Variants in NFATC2 observed in about 807,000 individuals in gnomAD.
NFATC2 encodes nuclear factor of activated T-cells, cytoplasmic 2.
In NFATC2, 22 loss-of-function variants were observed where a neutral mutation model predicts 87.3. The observed-to-expected ratio is 0.25, with a 90% CI of 0.18 to 0.36. The LOEUF (loss-of-function observed/expected upper bound fraction) is 0.36, where lower values mean the gene tolerates loss of function less well. Ranked by LOEUF, NFATC2 falls within the 10% of genes least tolerant of loss-of-function variation. The probability of loss-of-function intolerance (pLI) is 1.00; values close to 1 mark genes in which losing one functional copy is unlikely to be tolerated. For synonymous variants in NFATC2, 565 were observed against 542.2 expected, an observed-to-expected ratio of 1.04 and a Z score of -0.58; for missense variants, 1,149 against 1,259.1, an observed-to-expected ratio of 0.91 and a Z score of 1.32.
intron 9 of NFATC2, among the ~76,000 whole-genome samples, chr20:51,425,630 T>C (rs930217034): frequency 6.6e-6 from 1 of 152,216 alleles, no homozygotes; most frequent in Non-Finnish European, 1.5e-5. Flanking sequence ...AGCCGCTTTG[T>C]CCCAGGCTTG....
chr20:51,560,093 G>A (rs568525279), intron 1 of NFATC2, among the ~76,000 whole-genome samples: 4 of 152,282 alleles, frequency 2.6e-5, no homozygotes, highest in African/African-American at 9.6e-5. Flanking sequence ...TCAGTTTATT[G>A]TTTTGCATCT....
intron 9 of NFATC2, among the ~76,000 whole-genome samples, chr20:51,420,491 C>T (rs1374857964): frequency 1.3e-5 from 2 of 152,202 alleles, no homozygotes; most frequent in Non-Finnish European, 1.5e-5. Context: ...AAAAGCCAGA[C>T]TGAAAAATTT....
intron 3 of NFATC2, among the ~76,000 whole-genome samples, chr20:51,482,735 T>C (rs1989370811): frequency 6.6e-6 from 1 of 152,218 alleles, no homozygotes; most frequent in African/African-American, 2.4e-5. Flanking sequence ...ATAGTCACCA[T>C]TCTGTACAAG....
chr20:51,415,075 A>G (rs1979849043), intron 9 of NFATC2, among the ~76,000 whole-genome samples: 1 of 151,520 alleles, frequency 6.6e-6, no homozygotes, highest in East Asian at 1.9e-4. Flanking sequence ...ACATAGTGAG[A>G]CCCCATCTCT....
chr20:51,395,917 A>G (rs1392216017), intron 10 of NFATC2, among the ~76,000 whole-genome samples: 8 of 151,724 alleles, frequency 5.3e-5, no homozygotes, highest in Non-Finnish European at 1.2e-4. Context: ...CCAGTGTAGC[A>G]TAAAAGCTGC....
rs764081207 is a variant in NFATC2 at position 51,389,490 on chromosome 20, T to C, written c.*2006A>G. On this transcript the variant is annotated 3_prime_UTR_variant, in exon 11 of 11. Coordinates refer to ENST00000371564, the MANE Select transcript of NFATC2 (RefSeq NM_012340.5). ...TGAAGCTGCTAGTATAAGGAACTTA[T>C]AATAAGGAACTTATTTTGTTCATGA... 4 of 152,196 alleles carry C rather than the reference T, an allele frequency of 2.6e-5. No individual in the cohort carries two copies. The highest frequency in any genetic ancestry group is 5.9e-5 in the Non-Finnish European group (4 of 68,028). 9.4% of individuals were successfully genotyped at this position (152,196 alleles called of 1,614,324 possible). A position where few individuals can be genotyped will look rare whatever the true frequency, so the allele number is the denominator to read the frequency against.
At chr20:51,485,173 A>G (rs1418329381) in intron 3 of NFATC2, among the ~76,000 whole-genome samples, 2 of 152,222 alleles carry the variant, frequency 1.3e-5, no homozygotes, top group African/African-American at 2.4e-5. Flanking sequence ...AGCCCTAGAA[A>G]CCAGTGTGGA....
intron 9 of NFATC2, among the ~76,000 whole-genome samples, chr20:51,431,686 AAGG>A (rs1192657603): frequency 6.6e-6 from 1 of 152,172 alleles, no homozygotes; most frequent in African/African-American, 2.4e-5. Flanking sequence ...ACAGGAATGA[AAGG>A]AGGTTAGCTT....
intron 1 of NFATC2, among the ~76,000 whole-genome samples, chr20:51,551,895 C>A (rs760757213): frequency 3.2e-4 from 48 of 151,588 alleles, no homozygotes; most frequent in Admixed American, 5.9e-4. Context: ...GGTGTGGTGG[C>A]GGGTGCCTGT....
chr20:51,515,119 T>A (rs1389544843), intron 3 of NFATC2, among the ~76,000 whole-genome samples: 2 of 152,068 alleles, frequency 1.3e-5, no homozygotes, highest in African/African-American at 2.4e-5. Flanking sequence ...TGCCAGGCTG[T>A]GGAAACTGCT....
At chr20:51,521,776 T>C (rs887335688) in intron 2 of NFATC2, among the ~76,000 whole-genome samples, 1 of 152,254 alleles carries the variant, frequency 6.6e-6, no homozygotes, top group Admixed American at 6.5e-5. Context: ...AGCCCTCATG[T>C]ACCTCCTTTG....
At chr20:51,489,237 C>T (rs1473202859) in intron 3 of NFATC2, among the ~76,000 whole-genome samples, 3 of 149,924 alleles carry the variant, frequency 2.0e-5, no homozygotes, top group Non-Finnish European at 4.4e-5. Flanking sequence ...TGGGAGGAAG[C>T]TCACCAAGAT....
At position 51,523,943 on chromosome 20, in the gene NFATC2, C is replaced by G. The variant is rs756022676; in HGVS notation, c.298G>C (p.Ala100Pro). ...CCCGAGGCCCCTGCTGGCTTGGCCGCGCTCAGAAACTTCTGCGGCCCTACC... is the reference window on the plus strand; with the variant it reads ...CCCGAGGCCCCTGCTGGCTTGGCCGGGCTCAGAAACTTCTGCGGCCCTACC... ...DRVGPQKFLS[A>P]AKPAGASGLS... Residue 100 changes from alanine to proline, a missense_variant, in exon 2 of 11, where the codon GCG (alanine) becomes CCG (proline). This residue lies in a region of NFATC2 where 563 missense variants were observed against 585.2 expected (regional missense o/e 0.96). Transcript: ENST00000371564. The surrounding 1 kb of genome is among the most constrained non-coding windows in gnomAD (Gnocchi z 6.9). 4.4e-6 allele frequency: 7 copies of G among 1,595,198 alleles called. No individual in the cohort carries two copies. The highest frequency in any genetic ancestry group is 1.1e-5 in the South Asian group (1 of 88,216).
intron 5 of NFATC2, among the ~76,000 whole-genome samples, chr20:51,458,429 AG>A (rs1986795795): frequency 6.6e-6 from 1 of 152,046 alleles, no homozygotes; most frequent in Non-Finnish European, 1.5e-5. Context: ...TCCCTGGTTG[AG>A]AACAGCTGTT....
chr20:51,427,927 C>G (rs1029726922), intron 9 of NFATC2, among the ~76,000 whole-genome samples: 1 of 152,198 alleles, frequency 6.6e-6, no homozygotes, highest in African/African-American at 2.4e-5. Flanking sequence ...TCTCGCTTAC[C>G]TACTAAACAA....
chr20:51,477,535 C>CTA (rs11467129), intron 3 of NFATC2, among the ~76,000 whole-genome samples: 1,290 of 72,504 alleles, frequency 0.018, 13 homozygotes, highest in East Asian at 0.033. Flanking sequence ...GTGTGTGTGT[C>CTA]TATATATATA....
In NFATC2 at chr20:51,524,038, C is replaced by G. The variant is rs762294839; in HGVS notation, c.203G>C (p.Gly68Ala). The G allele has an allele frequency of 7.8e-6, 12 of 1,541,710 alleles. No homozygotes were observed. Among genetic ancestry groups the G allele is most frequent in the African/African-American group, 7.0e-5 (5 of 71,452 alleles). ...AGCAAGGGGGCTGTATGGCTTGAGG[C>G]CATAGTCCAGGACATCATCGGGGTA... is the stretch of plus-strand genomic sequence containing the variant. ...PAYPDDVLDYGLKPYSPLASL... is the reference protein window; with the variant it reads ...PAYPDDVLDYALKPYSPLASL... Residue 68 changes from glycine to alanine, a missense_variant, in exon 2 of 11, where the codon GGC becomes GCC. Transcript: ENST00000371564. The surrounding 1 kb of genome is among the most constrained non-coding windows in gnomAD (Gnocchi z 4.0).
At chr20:51,494,766 T>C (rs1202383384) in intron 3 of NFATC2, among the ~76,000 whole-genome samples, 2 of 152,186 alleles carry the variant, frequency 1.3e-5, no homozygotes, top group Non-Finnish European at 2.9e-5. Flanking sequence ...ATGAAGTTTG[T>C]CGTAAGAGGG....
chr20:51,537,591 C>T (rs76675796), intron 1 of NFATC2, among the ~76,000 whole-genome samples: 2,436 of 152,298 alleles, frequency 0.016, 40 homozygotes, highest in South Asian at 0.066. Flanking sequence ...ACTGGAGATC[C>T]GGCATCTCTG....
Sources: gnomAD v4.1 joint callset for allele counts (sites outside exome capture counted in the v4.1 genomes callset) on GRCh38, gnomAD v4.1.1 for gene constraint, gnomAD v4.1.1 regional missense constraint, Gnocchi (gnomAD v3.1) non-coding constraint, MANE v1.5 for transcripts, NCBI Gene and HGNC (gene_info 2026-07-23, HGNC 2026-07-21) for gene names.